Variants in UNC13C observed in about 807,000 individuals in gnomAD.
UNC13C encodes the protein protein unc-13 homolog C.
UNC13C carries 174 observed loss-of-function variants against 245.4 expected under a neutral mutation model. The observed-to-expected ratio is 0.71, with a 90% CI of 0.63 to 0.80. The LOEUF (loss-of-function observed/expected upper bound fraction) is 0.80, where lower values mean the gene tolerates loss of function less well. Ranked by LOEUF, UNC13C falls within the 30% of genes least tolerant of loss-of-function variation. UNC13C has a pLI of 0.00. For synonymous variants in UNC13C, 992 were observed against 895.1 expected (o/e 1.11, Z -1.93); for missense variants, 2,829 against 2,602.9 (o/e 1.09, Z -1.89).
chr15:54,077,376 C>CTT lies in UNC13C; in HGVS notation c.2983+61509_2983+61510dup, dbSNP rs768240170. On this transcript the variant is annotated intron_variant, in intron 2 of 32. Transcript: ENST00000260323. The stretch of plus-strand genomic sequence containing the variant: ...TTTTCCTTTTCTTTTCTTTTCTTTT[C>CTT]TTTTTTTTTTTTTTTTTTTTGAGAC... 0.02 allele frequency among the ~76,000 whole-genome samples: 1,259 copies of CTT among 62,544 alleles called. 183 individuals are homozygous for CTT. The East Asian group carries it at 0.21, about 10-fold the overall frequency. 41.0% of individuals were successfully genotyped at this position (62,544 alleles called of 152,430 possible).
Position 54,293,981 on chromosome 15 carries a change from A to G in UNC13C, c.3905A>G (p.Lys1302Arg), listed in dbSNP as rs754554627. 3.8e-6 allele frequency: 6 copies of G among 1,597,106 alleles called. No individual in the cohort carries two copies. The highest frequency in any genetic ancestry group is 5.1e-6 in the Non-Finnish European group (6 of 1,172,554). The change falls in exon 11 of 33, where the codon AAA (lysine) becomes AGA (arginine). Residue 1302 changes from lysine to arginine, a missense_variant. Coordinates refer to ENST00000260323, the MANE Select transcript of UNC13C (RefSeq NM_001080534.3). ...AAATCCAGAGTCAAGCAACATTTCA[A>G]AAAGGAGTCAGATGATTTTCTGGGA... ...DIKSRVKQHF[K>R]KESDDFLGQT...
At chr15:54,040,160 C>T (rs539005679) in intron 2 of UNC13C, among the ~76,000 whole-genome samples, 1 of 152,194 alleles carries the variant, frequency 6.6e-6, no homozygotes, top group Admixed American at 6.5e-5. Context: ...TTACCAGGCT[C>T]ATTCCTATGG....
intron 19 of UNC13C, among the ~76,000 whole-genome samples, chr15:54,454,807 TTCATTCATTC>T (rs1567288308): frequency 6.0e-5 from 6 of 99,478 alleles, no homozygotes; most frequent in Non-Finnish European, 4.7e-5. Flanking sequence ...TATTTATTCA[TTCATTCATTC>T]ATTCATTCAT....
At chr15:54,557,147 AT>A (rs1897126815) in intron 29 of UNC13C, among the ~76,000 whole-genome samples, 1 of 151,938 alleles carries the variant, frequency 6.6e-6, no homozygotes, top group Non-Finnish European at 1.5e-5. Context: ...CAAAACTACT[AT>A]TTGGTGTCCT....
At chr15:54,564,999 G>A (rs184200828) in intron 29 of UNC13C, among the ~76,000 whole-genome samples, 23 of 152,010 alleles carry the variant, frequency 1.5e-4, no homozygotes, top group East Asian at 9.7e-4. Context: ...TGGTTACTTG[G>A]TGGGATTGTC....
intron 2 of UNC13C, among the ~76,000 whole-genome samples, chr15:54,126,808 C>T (rs1248594138): frequency 6.6e-6 from 1 of 152,068 alleles, no homozygotes; most frequent in Non-Finnish European, 1.5e-5. Context: ...GCAATCTATC[C>T]ATCTGACAAA....
chr15:53,880,249 T>A, the UNC13C span, among the ~76,000 whole-genome samples: 2 of 152,076 alleles, frequency 1.3e-5, no homozygotes, highest in Non-Finnish European at 2.9e-5. Flanking sequence ...AGCACGGTAG[T>A]TTTACTAGGA....
Position 54,053,896 on chromosome 15 carries a change from G to T in UNC13C, c.2983+38010G>T, listed in dbSNP as rs541468482. 2.7e-4 allele frequency among the ~76,000 whole-genome samples: 41 copies of T among 152,206 alleles called. 1 individual carries two copies. The South Asian group carries it at 3.9e-3, about 15-fold the overall frequency. The stretch of plus-strand genomic sequence containing the variant: ...AAATAAATGAGAATATGTGAAGTTT[G>T]TTTTTCTGTGCCTGGCTTATTTCAC... On this transcript the variant is annotated intron_variant, in intron 2 of 32. Transcript: ENST00000260323.
chr15:54,046,647 CT>C (rs148794718), intron 2 of UNC13C, among the ~76,000 whole-genome samples: 3,183 of 151,528 alleles, frequency 0.021, 124 homozygotes, highest in African/African-American at 0.074. Flanking sequence ...AACATAGACA[CT>C]TTTTTTTACT....
At chr15:54,248,320 C>T (rs896434646) in intron 7 of UNC13C, among the ~76,000 whole-genome samples, 2 of 152,158 alleles carry the variant, frequency 1.3e-5, no homozygotes, top group African/African-American at 4.8e-5. Flanking sequence ...CTACATTACG[C>T]ACACAAACAC....
intron 8 of UNC13C, among the ~76,000 whole-genome samples, chr15:54,257,706 C>T (rs2036314930): frequency 6.6e-6 from 1 of 152,110 alleles, no homozygotes; most frequent in African/African-American, 2.4e-5. Context: ...CTCCAATTAC[C>T]TACTGTTAAA....
intron 24 of UNC13C, among the ~76,000 whole-genome samples, chr15:54,514,222 C>T (rs1257834725): frequency 6.6e-6 from 1 of 152,120 alleles, no homozygotes; most frequent in African/African-American, 2.4e-5. Context: ...ATAGAATTCA[C>T]CCTTTGATAT....
intron 24 of UNC13C, among the ~76,000 whole-genome samples, chr15:54,520,701 A>T (rs1046872603): frequency 6.6e-6 from 1 of 151,968 alleles, no homozygotes; most frequent in Admixed American, 6.6e-5. Flanking sequence ...TGGGAAACAG[A>T]GCAAACAACA....
At chr15:54,235,754 G>A (rs2035678341) in intron 5 of UNC13C, among the ~76,000 whole-genome samples, 1 of 152,174 alleles carries the variant, frequency 6.6e-6, no homozygotes, top group Non-Finnish European at 1.5e-5. Context: ...TGGAGGCTGA[G>A]GCAGGAGAAT....
At chr15:54,183,266 A>G (rs150672730) in intron 4 of UNC13C, among the ~76,000 whole-genome samples, 2,666 of 151,728 alleles carry the variant, frequency 0.018, 44 homozygotes, top group Non-Finnish European at 0.024. Context: ...AAAACATTAA[A>G]TAAATAAATG....
At chr15:54,518,355 A>G (rs75105541) in intron 24 of UNC13C, among the ~76,000 whole-genome samples, 4,475 of 152,214 alleles carry the variant, frequency 0.029, 92 homozygotes, top group Middle Eastern at 0.051. Context: ...CTCATTTCCC[A>G]GAGCATTTAA....
At chr15:53,870,578 A>T in the UNC13C span, among the ~76,000 whole-genome samples, 1,394 of 152,114 alleles carry the variant, frequency 9.2e-3, 26 homozygotes, top group African/African-American at 0.032. Context: ...AGAAAAATGC[A>T]CTTCTGTCTT....
chr15:54,005,665 G>A (rs1363952373), intron 1 of UNC13C, among the ~76,000 whole-genome samples: 2 of 152,168 alleles, frequency 1.3e-5, no homozygotes, highest in Non-Finnish European at 1.5e-5. Context: ...GGACTATAAT[G>A]AAAAGAAAAG....
chr15:54,060,868 A>T lies in UNC13C; in HGVS notation c.2983+44982A>T, dbSNP rs534103533. 3.9e-5 allele frequency among the ~76,000 whole-genome samples: 6 copies of T among 152,280 alleles called. No individual in the cohort carries two copies. In the South Asian group the frequency reaches 8.3e-4, roughly 21 times the overall value. ...TCATTCTCAGCAAACTATCACAAGGACAAAAAACCAAACACCGCAGTTCTC... is the reference window on the plus strand; with the variant it reads ...TCATTCTCAGCAAACTATCACAAGGTCAAAAAACCAAACACCGCAGTTCTC... On this transcript the variant is annotated intron_variant, in intron 2 of 32. Coordinates refer to ENST00000260323, the MANE Select transcript of UNC13C (RefSeq NM_001080534.3).
Sources: allele counts gnomAD v4.1 joint callset (sites outside exome capture counted in the v4.1 genomes callset), GRCh38; gene constraint gnomAD v4.1.1; transcripts MANE v1.5; gene names NCBI Gene and HGNC (gene_info 2026-07-23, HGNC 2026-07-21).